The following PRRC2B variants were observed in gnomAD, a reference collection of about 807,000 sequenced individuals.
The protein encoded by PRRC2B is proline rich coiled-coil 2B.
In PRRC2B, 68 loss-of-function variants were observed where a neutral mutation model predicts 242.3. The observed-to-expected ratio is 0.28, with a 90% CI of 0.23 to 0.34. The LOEUF is 0.34. PRRC2B is among the 10% of genes least tolerant of loss of function. The probability of loss-of-function intolerance (pLI) is 1.00; values close to 1 mark genes in which losing one functional copy is unlikely to be tolerated. For synonymous variants in PRRC2B, 1,228 were observed against 1,173.6 expected (o/e 1.05, Z -0.95); for missense variants, 2,835 against 2,954.8 (o/e 0.96, Z 0.94).
chr9:131,464,444 G>A (rs1238742457), intron 11 of PRRC2B, among the ~76,000 whole-genome samples: 1 of 152,170 alleles, frequency 6.6e-6, no homozygotes, highest in Non-Finnish European at 1.5e-5. Flanking sequence ...CAGCAGTGGT[G>A]GGAGTGTTTG....
Position 131,483,359 on chromosome 9 carries a change from G to T in PRRC2B, c.5374G>T (p.Asp1792Tyr), listed in dbSNP as rs766222096. 1.2e-6 allele frequency: 2 copies of T among 1,613,880 alleles called. No homozygotes were observed. The highest frequency in any genetic ancestry group is 1.7e-6 in the Non-Finnish European group (2 of 1,179,840). Reference sequence around the variant, plus strand: ...TGTGTGGCCTTTTTTATTTTTTCAGGACTCCGATTTCAGCTTGCCACCTGG... The same window carrying T: ...TGTGTGGCCTTTTTTATTTTTTCAGTACTCCGATTTCAGCTTGCCACCTGG... ...PPIEFGVSPKDSDFSLPPGSA... is the reference protein window; with the variant it reads ...PPIEFGVSPKYSDFSLPPGSA... The change falls in exon 23 of 32, where the codon GAC becomes TAC. Residue 1792 changes from aspartate (D) to tyrosine (Y), a missense_variant and splice_region_variant. Transcript: ENST00000683519.
At chr9:131,477,627 T>C (rs1236091656) in intron 16 of PRRC2B, 117 bp from the exon 17 acceptor site, 3 of 640,482 alleles carry the variant, frequency 4.7e-6, no homozygotes, top group Admixed American at 2.6e-5. Context: ...ACCCGAGGAG[T>C]CAGCTAGAGG....
chr9:131,474,386 T>C, intron 15 of PRRC2B, 68 bp from the exon 16 acceptor site: 2 of 1,325,148 alleles, frequency 1.5e-6, no homozygotes, highest in East Asian at 2.3e-5. Context: ...AACTAAGCTC[T>C]GTGTTCAGCA....
chr9:131,463,941 C>CT (rs112198206), intron 11 of PRRC2B, among the ~76,000 whole-genome samples: 17,818 of 140,546 alleles, frequency 0.13, 1,125 homozygotes, highest in African/African-American at 0.14. Context: ...GCTAGACATG[C>CT]TTTTTTTTTT....
At chr9:131,476,601 C>T (rs933442244) in intron 16 of PRRC2B, 66 bp downstream of exon 16, 10 of 1,428,470 alleles carry the variant, frequency 7.0e-6, no homozygotes, top group African/African-American at 1.4e-5. Context: ...ACTGAGTTCA[C>T]GCATGCATGC....
Position 131,487,933 on chromosome 9 carries a change from C to T in PRRC2B, c.6062C>T (p.Pro2021Leu). ...TCTGGGGGCACAGCCTTGAAGCCTC[C>T]ATACTCGGCGTTCCCAGGCATGCAG... ...ILSGGTALKP[P>L]YSAFPGMQPL... Residue 2021 changes from proline (P) to leucine (L), a missense_variant, in exon 28 of 32, where the codon CCA (proline) becomes CTA (leucine). Physicochemically the swap from Pro to Leu is moderately conservative, Grantham distance 98. Transcript: ENST00000683519. The surrounding 1 kb of genome is among the most constrained non-coding windows in gnomAD (Gnocchi z 5.3). 1.2e-6 allele frequency: 2 copies of T among 1,613,884 alleles called. No homozygotes were observed. The highest frequency in any genetic ancestry group is 1.7e-6 in the Non-Finnish European group (2 of 1,179,832).
Position 131,482,344 on chromosome 9 carries a change from C to A in PRRC2B, c.4984-27C>A. Reference sequence around the variant, plus strand: ...GGATAATCGAGTTGGGAGTTTGAGGCTATAACCCATTTTGTGCTCTGCACA... The same window carrying A: ...GGATAATCGAGTTGGGAGTTTGAGGATATAACCCATTTTGTGCTCTGCACA... On this transcript the variant is annotated intron_variant, in intron 20 of 31. Coordinates refer to ENST00000683519, the MANE Select transcript of PRRC2B (RefSeq NM_013318.4). This position sits in a 1 kb window ranked among gnomAD's most constrained non-coding sequence, Gnocchi z 5.2. 1 of 1,536,492 alleles carries A rather than the reference C, an allele frequency of 6.5e-7. No homozygotes were observed. Among genetic ancestry groups the A allele is most frequent in the Non-Finnish European group, 8.8e-7 (1 of 1,137,528 alleles).
rs764611107 is a variant in PRRC2B, at chr9:131,467,776, G to T, written c.1911+23G>T. The T allele has an allele frequency of 2.5e-6, 4 of 1,612,586 alleles. No individual in the cohort carries two copies. The African/African-American group carries it at 4.0e-5, about 16-fold the overall frequency. On this transcript the variant is annotated intron_variant, in intron 13 of 31. Coordinates refer to ENST00000683519, the MANE Select transcript of PRRC2B (RefSeq NM_013318.4). ...CAGGTAAACAGATGAGATGGTAAAA[G>T]ACTGTGATAAACAGGCCTGAGTGCC...
Position 131,491,561 on chromosome 9 carries a change from T to C in PRRC2B, c.6362T>C (p.Val2121Ala). Residue 2121 changes from valine to alanine, a missense_variant, in exon 29 of 32, where the codon GTC becomes GCC. Physicochemically the swap from Val to Ala is moderately conservative, Grantham distance 64. Coordinates refer to ENST00000683519, the MANE Select transcript of PRRC2B (RefSeq NM_013318.4). ...CCTCCGCCCGGGTCCCAGCCGCCAG[T>C]CCTGAACACCAGCAGAGAGGTAAGG... ...RIPPPGSQPP[V>A]LNTSREPSQM... 4 of 1,611,466 alleles carry C rather than the reference T, an allele frequency of 2.5e-6. No individual in the cohort carries two copies. Among genetic ancestry groups the C allele is most frequent in the Non-Finnish European group, 3.4e-6 (4 of 1,179,128 alleles).
At chr9:131,411,641 C>T (rs187708494) in intron 1 of PRRC2B, among the ~76,000 whole-genome samples, 52 of 152,184 alleles carry the variant, frequency 3.4e-4, no homozygotes, top group African/African-American at 1.2e-3. Flanking sequence ...CTGCGCCTGG[C>T]CTCATTTGTA....
intron 10 of PRRC2B, among the ~76,000 whole-genome samples, chr9:131,458,794 C>A (rs919388101): frequency 1.3e-5 from 2 of 152,204 alleles, no homozygotes; most frequent in African/African-American, 4.8e-5. Flanking sequence ...TGAGCCACTA[C>A]GCCCAGGCCC....
intron 3 of PRRC2B, among the ~76,000 whole-genome samples, chr9:131,434,513 C>A (rs543094576): frequency 1.3e-5 from 2 of 152,240 alleles, no homozygotes; most frequent in Non-Finnish European, 2.9e-5. Context: ...GGGCCCACAA[C>A]GTGGGGACTC....
intron 28 of PRRC2B, chr9:131,490,796 A>G (rs1944170033): frequency 2.9e-6 from 1 of 343,644 alleles, no homozygotes; most frequent in African/African-American, 2.1e-5. Context: ...TGTGTGCTGT[A>G]CAAAGGAATG....
Position 131,446,611 on chromosome 9 carries a change from C to T in PRRC2B, c.824C>T (p.Pro275Leu), listed in dbSNP as rs750766285. The part of the protein sequence containing the change: ...ASQFMGNVYH[P>L]PTYHDMLPAF... ...CAGTTCATGGGAAATGTATACCACC[C>T]ACCTACATACCATGACATGCTTCCT... The change falls in exon 7 of 32, where the codon CCA (proline) becomes CTA (leucine). Residue 275 changes from proline to leucine, a missense_variant. Pro to Leu is a moderately conservative substitution (Grantham distance 98). This residue lies in a region of PRRC2B where 626 missense variants were observed against 685.5 expected (regional missense o/e 0.91). Transcript: ENST00000683519. This position sits in a 1 kb window ranked among gnomAD's most constrained non-coding sequence, Gnocchi z 4.1. The T allele has an allele frequency of 6.2e-7, 1 of 1,613,984 alleles. No homozygotes were observed.
In PRRC2B at chr9:131,494,868, G is replaced by A. The variant is rs886473773; in HGVS notation, c.6555+382G>A. Among the ~76,000 whole-genome samples, 1 of 152,208 alleles carries A rather than the reference G, an allele frequency of 6.6e-6. No individual in the cohort carries two copies. Among genetic ancestry groups the A allele is most frequent in the Non-Finnish European group, 1.5e-5 (1 of 68,038 alleles). On this transcript the variant is annotated intron_variant, in intron 31 of 31. Coordinates refer to ENST00000683519, the MANE Select transcript of PRRC2B (RefSeq NM_013318.4). The surrounding 1 kb of genome is among the most constrained non-coding windows in gnomAD (Gnocchi z 4.3). ...CTAGTCAGTGGTGTGTCTCATCTTT[G>A]TCTTGGCTGGGTGGGAGCACAGGTG...
At chr9:131,406,311 A>G (rs909631238) in intron 1 of PRRC2B, among the ~76,000 whole-genome samples, 6 of 152,284 alleles carry the variant, frequency 3.9e-5, no homozygotes, top group South Asian at 2.1e-4. Flanking sequence ...TCTCTCCACA[A>G]TGAACACCAC....
chr9:131,478,388 C>A, intron 17 of PRRC2B, 86 bp from the exon 18 acceptor site: 2 of 1,304,252 alleles, frequency 1.5e-6, no homozygotes, highest in Non-Finnish European at 2.2e-6. Context: ...GAGCCTGATG[C>A]TAGATCTCAG....
chr9:131,491,473 C>T lies in PRRC2B; in HGVS notation c.6274C>T (p.Leu2092=), dbSNP rs1157843702. 6.2e-7 allele frequency: 1 copy of T among 1,612,076 alleles called. No individual in the cohort carries two copies. The highest frequency in any genetic ancestry group is 1.1e-5 in the South Asian group (1 of 90,728). The change falls in exon 29 of 32, where the codon CTG becomes TTG. Residue 2092 remains leucine, a synonymous_variant. Coordinates refer to ENST00000683519, the MANE Select transcript of PRRC2B (RefSeq NM_013318.4). ...RYGSGQQPLI[L]PQSIQLPPGQ... ...CGGCTCCGGGCAGCAGCCACTGATC[C>T]TGCCCCAGTCTATTCAGCTGCCACC...
intron 12 of PRRC2B, among the ~76,000 whole-genome samples, chr9:131,465,405 A>G (rs1028340271): frequency 6.6e-6 from 1 of 152,092 alleles, no homozygotes; most frequent in Admixed American, 6.5e-5. Context: ...TCCTTCTCCC[A>G]TCTGAACTTG....
Sources: gnomAD v4.1 joint callset for allele counts (sites outside exome capture counted in the v4.1 genomes callset) on GRCh38, gnomAD v4.1.1 for gene constraint, gnomAD v4.1.1 regional missense constraint, Gnocchi (gnomAD v3.1) non-coding constraint, MANE v1.5 for transcripts, NCBI Gene and HGNC (gene_info 2026-07-23, HGNC 2026-07-21) for gene names.